Variants in SLC4A10 observed in about 807,000 individuals in gnomAD.
The protein encoded by SLC4A10 is sodium-driven chloride bicarbonate exchanger.
A neutral mutation model predicts 137.7 loss-of-function variants in SLC4A10; 42 were observed. The observed-to-expected ratio is 0.30, with a 90% confidence interval of 0.24 to 0.39. The LOEUF (loss-of-function observed/expected upper bound fraction) is 0.39, where lower values mean the gene tolerates loss of function less well. Ranked by LOEUF, SLC4A10 falls within the 10% of genes least tolerant of loss-of-function variation. SLC4A10 has a pLI of 1.00. For synonymous variants in SLC4A10, 474 were observed against 464.1 expected, an observed-to-expected ratio of 1.02 and a Z score of -0.27; for missense variants, 925 against 1,355.0, an observed-to-expected ratio of 0.68 and a Z score of 4.98.
chr2:161,794,047 T>C (rs1402081562), intron 2 of SLC4A10, among the ~76,000 whole-genome samples: 1 of 152,146 alleles, frequency 6.6e-6, no homozygotes, highest in Non-Finnish European at 1.5e-5. Flanking sequence ...AGGTCATGTT[T>C]ATGAAATTGA....
intron 1 of SLC4A10, among the ~76,000 whole-genome samples, chr2:161,679,680 G>T: frequency 8.8e-6 from 1 of 114,058 alleles, no homozygotes; most frequent in African/African-American, 3.7e-5. Flanking sequence ...CTCAATTGTA[G>T]GTCAACGTGT....
At chr2:161,702,856 C>T (rs777939371) in intron 1 of SLC4A10, among the ~76,000 whole-genome samples, 3 of 151,760 alleles carry the variant, frequency 2.0e-5, no homozygotes, top group African/African-American at 4.8e-5. Flanking sequence ...GAAACAAGGA[C>T]GCTTTATTTA....
chr2:161,787,721 T>C (rs2053782010), intron 2 of SLC4A10, among the ~76,000 whole-genome samples: 1 of 152,182 alleles, frequency 6.6e-6, no homozygotes, highest in Non-Finnish European at 1.5e-5. Context: ...GTTAATGTTT[T>C]CAATTGTACA....
intron 15 of SLC4A10, among the ~76,000 whole-genome samples, chr2:161,929,819 TA>T (rs1356913232): frequency 4.6e-5 from 7 of 152,240 alleles, no homozygotes; most frequent in Non-Finnish European, 7.3e-5. Context: ...GATTTATTTT[TA>T]CATTTGTTTT....
chr2:161,955,977 G>A (rs1245007525), intron 19 of SLC4A10, among the ~76,000 whole-genome samples: 1 of 152,034 alleles, frequency 6.6e-6, no homozygotes, highest in Non-Finnish European at 1.5e-5. Flanking sequence ...ATTGCTTATT[G>A]TGTGCCAATG....
At chr2:161,735,396 A>C (rs2047240872) in intron 1 of SLC4A10, among the ~76,000 whole-genome samples, 1 of 152,072 alleles carries the variant, frequency 6.6e-6, no homozygotes, top group Non-Finnish European at 1.5e-5. Context: ...TATTTTTGAT[A>C]ATTAATGTTT....
At chr2:161,929,719 T>G (rs1423122345) in intron 15 of SLC4A10, among the ~76,000 whole-genome samples, 1 of 152,138 alleles carries the variant, frequency 6.6e-6, no homozygotes, top group Non-Finnish European at 1.5e-5. Context: ...TTCAGTTTAT[T>G]GATGGAAACA....
chr2:161,959,238 A>T (rs878863328), intron 21 of SLC4A10, among the ~76,000 whole-genome samples: 1 of 152,194 alleles, frequency 6.6e-6, no homozygotes, highest in Non-Finnish European at 1.5e-5. Context: ...GATTATTTTT[A>T]AAATTAGACT....
At chr2:161,655,121 A>AT (rs1441450724) in intron 1 of SLC4A10, among the ~76,000 whole-genome samples, 3 of 151,618 alleles carry the variant, frequency 2.0e-5, no homozygotes, top group Admixed American at 6.6e-5. Flanking sequence ...TAAGTATTTT[A>AT]TTTTTTTCAT....
chr2:161,716,823 T>G (rs1317491416), intron 1 of SLC4A10, among the ~76,000 whole-genome samples: 2 of 152,112 alleles, frequency 1.3e-5, no homozygotes, highest in East Asian at 1.9e-4. Flanking sequence ...TTTTAAAATT[T>G]TTTTTCTAAT....
intron 26 of SLC4A10, among the ~76,000 whole-genome samples, chr2:161,979,626 C>T (rs1463578818): frequency 6.6e-6 from 1 of 152,176 alleles, no homozygotes; most frequent in African/African-American, 2.4e-5. Context: ...ACTACTGATA[C>T]TAATAAGGCT....
intron 15 of SLC4A10, among the ~76,000 whole-genome samples, chr2:161,920,436 A>G (rs1308586610): frequency 6.6e-6 from 1 of 152,246 alleles, no homozygotes; most frequent in Non-Finnish European, 1.5e-5. Flanking sequence ...TACATAGGGA[A>G]TAAGAAGTCT....
At chr2:161,977,591 A>G (rs1699585894) in intron 25 of SLC4A10, 131 bp from the exon 26 acceptor site, 1 of 694,154 alleles carries the variant, frequency 1.4e-6, no homozygotes, top group Admixed American at 2.9e-5. Flanking sequence ...ATGTTATGCT[A>G]ATATCTCTTT....
intron 1 of SLC4A10, among the ~76,000 whole-genome samples, chr2:161,676,652 C>T (rs1365145386): frequency 6.6e-6 from 1 of 152,150 alleles, no homozygotes; most frequent in Non-Finnish European, 1.5e-5. Context: ...ATGGAATGGG[C>T]TGTCCCTTTA....
At chr2:161,654,136 A>C (rs928062500) in intron 1 of SLC4A10, among the ~76,000 whole-genome samples, 1 of 152,184 alleles carries the variant, frequency 6.6e-6, no homozygotes, top group Non-Finnish European at 1.5e-5. Context: ...GATTAGTGAC[A>C]ATGACCGTCT....
intron 15 of SLC4A10, among the ~76,000 whole-genome samples, chr2:161,924,240 G>A (rs1452781133): frequency 6.6e-6 from 1 of 151,984 alleles, no homozygotes; most frequent in Non-Finnish European, 1.5e-5. Context: ...GAGGAAGACA[G>A]GAAAATGGGA....
chr2:161,806,497 C>G (rs2055975128), intron 3 of SLC4A10, among the ~76,000 whole-genome samples: 1 of 152,168 alleles, frequency 6.6e-6, no homozygotes, highest in Admixed American at 6.5e-5. Flanking sequence ...GCATCCAAGT[C>G]ACTTCTTGAA....
intron 3 of SLC4A10, among the ~76,000 whole-genome samples, chr2:161,836,746 C>A (rs1293514297): frequency 6.6e-6 from 1 of 151,356 alleles, no homozygotes; most frequent in Non-Finnish European, 1.5e-5. Context: ...AACAAAACCC[C>A]AAATCCCAAA....
chr2:161,644,900 C>A (rs1286621143), intron 1 of SLC4A10, among the ~76,000 whole-genome samples: 1 of 151,890 alleles, frequency 6.6e-6, no homozygotes, highest in Non-Finnish European at 1.5e-5. Flanking sequence ...CATTTTGGAG[C>A]CTTTTTGGAC....
Sources: gnomAD v4.1 joint callset for allele counts (sites outside exome capture counted in the v4.1 genomes callset) on GRCh38, gnomAD v4.1.1 for gene constraint, MANE v1.5 for transcripts, NCBI Gene and HGNC (gene_info 2026-07-23, HGNC 2026-07-21) for gene names.